Variants in CRPPA observed in about 807,000 individuals in gnomAD.
CRPPA encodes the protein CDP-L-ribitol pyrophosphorylase A, also known as D-ribitol-5-phosphate cytidylyltransferase.
Under a neutral mutation model 52.0 loss-of-function variants are expected in CRPPA, and 43 were observed. The observed-to-expected ratio is 0.83, with a 90% CI of 0.65 to 1.07. The LOEUF (loss-of-function observed/expected upper bound fraction) is 1.07. Among genes scored for constraint, CRPPA ranks in the 50% least tolerant of loss-of-function variants. The probability of loss-of-function intolerance (pLI) is 0.00; values close to 1 mark genes in which losing one functional copy is unlikely to be tolerated. For missense variants in CRPPA, 629 were observed against 551.7 expected (o/e 1.14, Z -1.40); for synonymous variants, 250 against 203.5 (o/e 1.23, Z -1.94).
intron 9 of CRPPA, among the ~76,000 whole-genome samples, chr7:16,173,347 C>T (rs117547910): frequency 0.033 from 5,028 of 152,266 alleles, 113 homozygotes; most frequent in Non-Finnish European, 0.049. Flanking sequence ...AATCACTATA[C>T]TTAATAATAT....
intron 9 of CRPPA, among the ~76,000 whole-genome samples, chr7:16,093,795 G>C (rs1415639278): frequency 2.0e-5 from 3 of 152,068 alleles, no homozygotes; most frequent in Non-Finnish European, 4.4e-5. Flanking sequence ...ACCAACTATT[G>C]ATATGCATTT....
At chr7:16,247,218 C>A (rs1783300606) in intron 8 of CRPPA, among the ~76,000 whole-genome samples, 1 of 152,228 alleles carries the variant, frequency 6.6e-6, no homozygotes, top group South Asian at 2.1e-4. Context: ...TCTGTAACTT[C>A]TTCACTTTCT....
chr7:16,419,676 T>A (rs1046732099), intron 1 of CRPPA, among the ~76,000 whole-genome samples: 2 of 152,024 alleles, frequency 1.3e-5, no homozygotes, highest in African/African-American at 4.8e-5. Flanking sequence ...AACCCAGTAA[T>A]CTGTCTCAAC....
At chr7:16,358,521 C>T (rs1786363589) in intron 3 of CRPPA, among the ~76,000 whole-genome samples, 1 of 152,192 alleles carries the variant, frequency 6.6e-6, no homozygotes, top group African/African-American at 2.4e-5. Context: ...CCCCCATTCA[C>T]CCCATCCACA....
At chr7:16,244,487 CCA>C (rs1783212994) in intron 8 of CRPPA, among the ~76,000 whole-genome samples, 1 of 152,092 alleles carries the variant, frequency 6.6e-6, no homozygotes, top group Non-Finnish European at 1.5e-5. Context: ...CCAGGGAATT[CCA>C]AAGTATTTTT....
At chr7:16,235,301 A>C (rs529006079) in intron 8 of CRPPA, among the ~76,000 whole-genome samples, 2 of 151,792 alleles carry the variant, frequency 1.3e-5, no homozygotes, top group South Asian at 4.1e-4. Flanking sequence ...GGATAAAAAC[A>C]CGTAAGTCAG....
chr7:16,312,076 T>C (rs1030370956), intron 3 of CRPPA, among the ~76,000 whole-genome samples: 13 of 152,168 alleles, frequency 8.5e-5, no homozygotes, highest in Non-Finnish European at 1.8e-4. Context: ...CTTTATTCTT[T>C]GCTTTCAATA....
At chr7:16,163,275 G>A (rs549125176) in intron 9 of CRPPA, among the ~76,000 whole-genome samples, 17 of 151,664 alleles carry the variant, frequency 1.1e-4, no homozygotes, top group South Asian at 4.2e-4. Flanking sequence ...CACCTGGGCC[G>A]CTTGTCTTTT....
At chr7:16,341,317 G>A (rs1159432360) in intron 3 of CRPPA, among the ~76,000 whole-genome samples, 1 of 151,820 alleles carries the variant, frequency 6.6e-6, no homozygotes, top group Non-Finnish European at 1.5e-5. Context: ...CTCTGGTAGG[G>A]GATATTGATC....
chr7:16,414,199 C>G (rs1454389992), intron 1 of CRPPA, among the ~76,000 whole-genome samples: 4 of 152,108 alleles, frequency 2.6e-5, no homozygotes, highest in Non-Finnish European at 1.5e-5. Flanking sequence ...AGACCTTGTT[C>G]AAATCCACTG....
At chr7:16,150,740 T>C (rs1177985990) in intron 9 of CRPPA, among the ~76,000 whole-genome samples, 3 of 152,150 alleles carry the variant, frequency 2.0e-5, no homozygotes, top group Admixed American at 6.6e-5. Context: ...GGGTGATTTA[T>C]AAAGAAAAAA....
In CRPPA at chr7:16,342,783, A is replaced by AAAAAAAAAAAAATATATATATC. The variant is rs1208112507; in HGVS notation, c.684+33308_684+33309insGATATATATATTTTTTTTTTTT. Among the ~76,000 whole-genome samples, 2 of 18,644 alleles carry AAAAAAAAAAAAATATATATATC rather than the reference A, an allele frequency of 1.1e-4. 1 individual carries two copies. Among genetic ancestry groups the AAAAAAAAAAAAATATATATATC allele is most frequent in the Non-Finnish European group, 3.0e-4 (2 of 6,648 alleles). The allele number at this position is 18,644 out of a possible 152,430, so 12.2% of individuals were successfully genotyped here. On this transcript the variant is annotated intron_variant, in intron 3 of 9. Coordinates refer to ENST00000407010, the MANE Select transcript of CRPPA (RefSeq NM_001101426.4). Reference sequence around the variant, plus strand: ...CTCCACAAAAAAAAAAAAAAAAAAAATATATATATATATATCTATATAGAT... The same window carrying AAAAAAAAAAAAATATATATATC: ...CTCCACAAAAAAAAAAAAAAAAAAAAAAAAAAAAAAAATATATATATCTATATATATATATATCTATATAGAT...
chr7:16,296,545 C>T (rs1784679442), intron 5 of CRPPA, among the ~76,000 whole-genome samples: 2 of 151,624 alleles, frequency 1.3e-5, no homozygotes, highest in South Asian at 4.2e-4. Context: ...AATTTGTTGA[C>T]CAGGAATAAC....
Position 16,421,338 on chromosome 7 carries a change from G to A in CRPPA, c.-16C>T. The A allele has an allele frequency of 7.3e-6, 9 of 1,240,172 alleles. No homozygotes were observed. Among genetic ancestry groups the A allele is most frequent in the Non-Finnish European group, 9.1e-6 (9 of 990,094 alleles). 76.8% of individuals were successfully genotyped at this position (1,240,172 alleles called of 1,614,324 possible). A position where few individuals can be genotyped will look rare whatever the true frequency, so the allele number is the denominator to read the frequency against. On this transcript the variant is annotated 5_prime_UTR_variant, in exon 1 of 10. Transcript: ENST00000407010. ...CGGCCTCCATGGCTGCGGGCGGAAC[G>A]GCGAGCCCCGCTAGCCTCGGGCCGA... is the stretch of plus-strand genomic sequence containing the variant.
chr7:16,344,934 T>C (rs1001106073), intron 3 of CRPPA, among the ~76,000 whole-genome samples: 2 of 151,342 alleles, frequency 1.3e-5, no homozygotes, highest in African/African-American at 4.9e-5. Flanking sequence ...GGAGCAGAAA[T>C]AATTTTTGGT....
chr7:16,256,885 C>T (rs1417926101), intron 8 of CRPPA, among the ~76,000 whole-genome samples: 1 of 152,066 alleles, frequency 6.6e-6, no homozygotes, highest in African/African-American at 2.4e-5. Context: ...ACATTGTGCA[C>T]ATGTACCCCA....
intron 3 of CRPPA, among the ~76,000 whole-genome samples, chr7:16,344,669 T>G (rs1293311848): frequency 6.6e-6 from 1 of 152,036 alleles, no homozygotes; most frequent in African/African-American, 2.4e-5. Context: ...GTATAAATTA[T>G]TTGAAAAAGA....
intron 9 of CRPPA, among the ~76,000 whole-genome samples, chr7:16,159,900 T>A (rs1353088265): frequency 6.6e-6 from 1 of 152,174 alleles, no homozygotes; most frequent in Non-Finnish European, 1.5e-5. Flanking sequence ...TGATCGCCAT[T>A]CTCATTGTGG....
At chr7:16,107,291 G>A (rs1204713140) in intron 9 of CRPPA, among the ~76,000 whole-genome samples, 1 of 152,070 alleles carries the variant, frequency 6.6e-6, no homozygotes, top group Non-Finnish European at 1.5e-5. Context: ...TCTAATCAAT[G>A]CAACCCAGAA....
Sources: gnomAD v4.1 joint callset for allele counts (sites outside exome capture counted in the v4.1 genomes callset) on GRCh38, gnomAD v4.1.1 for gene constraint, MANE v1.5 for transcripts, NCBI Gene and HGNC (gene_info 2026-07-23, HGNC 2026-07-21) for gene names.